Variants in ACO1 observed in about 807,000 individuals in gnomAD.
The protein encoded by ACO1 is cytoplasmic aconitate hydratase.
In ACO1, 78 loss-of-function variants were observed where a neutral mutation model predicts 105.1. The observed-to-expected ratio is 0.74, with a 90% CI of 0.62 to 0.90. The LOEUF (loss-of-function observed/expected upper bound fraction) is 0.90, where lower values mean the gene tolerates loss of function less well. ACO1 is among the 40% of genes least tolerant of loss of function. The probability of loss-of-function intolerance (pLI) is 0.00; values close to 1 mark genes in which losing one functional copy is unlikely to be tolerated. For synonymous variants in ACO1, 364 were observed against 397.4 expected (o/e 0.92, Z 1.00); for missense variants, 965 against 1,111.1 (o/e 0.87, Z 1.87).
At chr9:32,413,032 T>A (rs1472542116) in intron 4 of ACO1, among the ~76,000 whole-genome samples, 3 of 152,182 alleles carry the variant, frequency 2.0e-5, no homozygotes, top group African/African-American at 4.8e-5. Context: ...TGTAATTTTT[T>A]TTTTTTAGAC....
At position 32,450,436 on chromosome 9, in the gene ACO1, C is replaced by T. The variant is rs1316918448; in HGVS notation, c.*325C>T. The T allele has an allele frequency of 5.4e-6, 2 of 368,656 alleles. No homozygotes were observed. Among genetic ancestry groups the T allele is most frequent in the South Asian group, 2.2e-5 (1 of 45,394 alleles). 22.8% of individuals were successfully genotyped at this position (368,656 alleles called of 1,614,324 possible). Reference sequence around the variant, plus strand: ...TTTTTCACTGTTTCCTATTAATCTTCAGCTGAACACAAGCAAACCTTCTCA... The same window carrying T: ...TTTTTCACTGTTTCCTATTAATCTTTAGCTGAACACAAGCAAACCTTCTCA... On this transcript the variant is annotated 3_prime_UTR_variant, in exon 21 of 21. Coordinates refer to ENST00000309951, the MANE Select transcript of ACO1 (RefSeq NM_002197.3).
chr9:32,432,743 G>A (rs1325492353), intron 15 of ACO1, among the ~76,000 whole-genome samples: 2 of 152,158 alleles, frequency 1.3e-5, no homozygotes, highest in Non-Finnish European at 2.9e-5. Context: ...ATATGCATTA[G>A]TTATCTATTG....
chr9:32,420,940 A>C lies in ACO1; in HGVS notation c.883A>C (p.Thr295Pro). The change falls in exon 8 of 21, where the codon ACG (threonine) becomes CCG (proline). Residue 295 changes from threonine to proline, a missense_variant. By Grantham distance (38) the Thr-to-Pro change is conservative. Coordinates refer to ENST00000309951, the MANE Select transcript of ACO1 (RefSeq NM_002197.3). ...CCAGTTGTCCATTGCTGACCGAGCT[A>C]CGATTGCTAACATGTGTCCAGAGTA... ...VAQLSIADRA[T>P]IANMCPEYGA... 6.2e-7 allele frequency: 1 copy of C among 1,614,106 alleles called. No homozygotes were observed. Among genetic ancestry groups the C allele is most frequent in the Non-Finnish European group, 8.5e-7 (1 of 1,179,990 alleles).
At chr9:32,436,106 C>A in intron 17 of ACO1, 144 bp from the exon 18 acceptor site, 1 of 1,117,742 alleles carries the variant, frequency 8.9e-7, no homozygotes, top group South Asian at 1.3e-5. Context: ...AGCTTTTCTG[C>A]CATGGAGAAC....
intron 2 of ACO1, among the ~76,000 whole-genome samples, chr9:32,406,191 TG>T (rs1187556248): frequency 6.6e-6 from 1 of 152,262 alleles, no homozygotes; most frequent in Non-Finnish European, 1.5e-5. Flanking sequence ...TTGTTTCCTT[TG>T]AAAGATGTAC....
chr9:32,405,132 G>A (rs567123027), intron 1 of ACO1, among the ~76,000 whole-genome samples: 1 of 113,580 alleles, frequency 8.8e-6, no homozygotes, highest in Non-Finnish European at 1.9e-5. Flanking sequence ...GGAAAGAGGC[G>A]CTGGGCAAAC....
rs761796391 is a variant in ACO1, at chr9:32,424,560, A to G, written c.1083A>G (p.Leu361=). Residue 361 remains leucine (L), a synonymous_variant, in exon 10 of 21, where the codon TTA becomes TTG. Coordinates refer to ENST00000309951, the MANE Select transcript of ACO1 (RefSeq NM_002197.3). The part of the protein sequence containing the change: ...QDPDFTQVVE[L]DLKTVVPCCS... ...TTTGGGGTCAACAGGTTGTGGAATT[A>G]GATTTGAAAACAGTAGTGCCTTGCT... 9 of 1,611,590 alleles carry G rather than the reference A, an allele frequency of 5.6e-6. No homozygotes were observed. The East Asian group carries it at 1.6e-4, about 28-fold the overall frequency.
chr9:32,401,932 T>G (rs1821504465), intron 1 of ACO1, among the ~76,000 whole-genome samples: 2 of 152,230 alleles, frequency 1.3e-5, no homozygotes, highest in Admixed American at 1.3e-4. Context: ...TGGGTTAGCT[T>G]TGAAAGACAC....
At chr9:32,440,749 T>C (rs1166416244) in intron 19 of ACO1, among the ~76,000 whole-genome samples, 162 bp downstream of exon 19, 1 of 152,210 alleles carries the variant, frequency 6.6e-6, no homozygotes, top group Non-Finnish European at 1.5e-5. Flanking sequence ...TGCCTCTGGA[T>C]TTATTTTATT....
intron 1 of ACO1, among the ~76,000 whole-genome samples, chr9:32,393,713 C>G (rs571037010): frequency 1.8e-4 from 27 of 152,248 alleles, no homozygotes; most frequent in Admixed American, 7.8e-4. Flanking sequence ...TAAAATTTCT[C>G]TTTTGTACTC....
chr9:32,423,839 C>T (rs1822029234), intron 9 of ACO1, among the ~76,000 whole-genome samples: 1 of 152,128 alleles, frequency 6.6e-6, no homozygotes, highest in Non-Finnish European at 1.5e-5. Flanking sequence ...ACCAAAACCT[C>T]AGAAATCACC....
intron 1 of ACO1, among the ~76,000 whole-genome samples, chr9:32,390,676 A>G (rs1323845212): frequency 6.6e-6 from 1 of 152,260 alleles, no homozygotes; most frequent in Admixed American, 6.5e-5. Context: ...ATTTTCAAAT[A>G]TGACCTAGGA....
At chr9:32,436,132 T>C (rs1209772214) in intron 17 of ACO1, 118 bp from the exon 18 acceptor site, 3 of 1,365,402 alleles carry the variant, frequency 2.2e-6, no homozygotes, top group South Asian at 1.2e-5. Context: ...TTAGGAGACT[T>C]AGAGAAATAG....
intron 19 of ACO1, among the ~76,000 whole-genome samples, chr9:32,448,333 A>C (rs1587561344): frequency 6.6e-6 from 1 of 152,174 alleles, no homozygotes; most frequent in Non-Finnish European, 1.5e-5. Flanking sequence ...TGAGGGTAAA[A>C]CCACCTACTC....
intron 7 of ACO1, 84 bp from the exon 8 acceptor site, chr9:32,420,772 T>TTTA: frequency 6.9e-7 from 1 of 1,442,914 alleles, no homozygotes; most frequent in East Asian, 2.3e-5. Context: ...ACAAGACTAG[T>TTTA]TTATAAGAAG....
rs1257934988 is a variant in ACO1, at chr9:32,425,876, T to A, written c.1227T>A (p.His409Gln). 1 of 1,613,948 alleles carries A rather than the reference T, an allele frequency of 6.2e-7. No individual in the cohort carries two copies. Among genetic ancestry groups the A allele is most frequent in the East Asian group, 2.2e-5 (1 of 44,882 alleles). The change falls in exon 11 of 21, where the codon CAT becomes CAA. Residue 409 changes from histidine (H) to glutamine (Q), a missense_variant. By Grantham distance (24) the His-to-Gln change is conservative (BLOSUM62 0). Coordinates refer to ENST00000309951, the MANE Select transcript of ACO1 (RefSeq NM_002197.3). ...GATTCCAAGTTGCTCCTGAACATCA[T>A]AATGACCATAAGACCTTTATCTATG... ...FKGFQVAPEH[H>Q]NDHKTFIYDN...
chr9:32,415,455 G>A (rs957529181), intron 4 of ACO1, among the ~76,000 whole-genome samples: 1 of 152,142 alleles, frequency 6.6e-6, no homozygotes, highest in African/African-American at 2.4e-5. Flanking sequence ...ACAGATTTAG[G>A]AAAGAAAGCC....
chr9:32,448,874 AACT>A lies in ACO1; in HGVS notation c.2371-18_2371-16del, dbSNP rs766407260. On this transcript the variant is annotated intron_variant, in intron 19 of 20. Coordinates refer to ENST00000309951, the MANE Select transcript of ACO1 (RefSeq NM_002197.3). ...AAAGAAAAGATTGGAAGTATGTCTA[AACT>A]ACTGTCTTTATTCATCAGGGAATCA... 6.2e-7 allele frequency: 1 copy of A among 1,614,074 alleles called. No individual in the cohort carries two copies. Among genetic ancestry groups the A allele is most frequent in the Non-Finnish European group, 8.5e-7 (1 of 1,179,924 alleles).
At chr9:32,449,167 T>C in intron 20 of ACO1, 86 bp downstream of exon 20, 1 of 1,338,334 alleles carries the variant, frequency 7.5e-7, no homozygotes, top group Non-Finnish European at 1.0e-6. Context: ...ATTAGTGAGG[T>C]TTAGAAGGCA....
Sources: allele counts gnomAD v4.1 joint callset (sites outside exome capture counted in the v4.1 genomes callset), GRCh38; gene constraint gnomAD v4.1.1; transcripts MANE v1.5; gene names NCBI Gene and HGNC (gene_info 2026-07-23, HGNC 2026-07-21).